Variants in SPMIP11 observed in about 807,000 individuals in gnomAD.
SPMIP11 encodes the protein sperm microtubule inner protein 11.
At chr12:48,765,011 G>C in the SPMIP11 span, 1 of 700,274 alleles carries the variant, frequency 1.4e-6, no homozygotes, top group East Asian at 2.7e-5. Context: ...GCTGGGAGGG[G>C]TAAGGGTGGG....
the SPMIP11 span, among the ~76,000 whole-genome samples, chr12:48,738,113 C>T: frequency 6.6e-6 from 1 of 152,254 alleles, no homozygotes; most frequent in African/African-American, 2.4e-5. Context: ...GCGTGAGCCA[C>T]CATGTCTGGC....
the SPMIP11 span, among the ~76,000 whole-genome samples, chr12:48,749,661 A>G: frequency 5.5e-5 from 6 of 108,936 alleles, no homozygotes; most frequent in Admixed American, 1.9e-4. Context: ...AAAAAAAAAA[A>G]GAGTTGTTTT....
At chr12:48,768,915 C>A in the SPMIP11 span, 2 of 1,595,986 alleles carry the variant, frequency 1.3e-6, no homozygotes, top group East Asian at 4.5e-5. Context: ...TTCCTCCCAG[C>A]CCCTGCTCAT....
At chr12:48,756,073 C>A in the SPMIP11 span, among the ~76,000 whole-genome samples, 1 of 150,916 alleles carries the variant, frequency 6.6e-6, no homozygotes, top group African/African-American at 2.4e-5. Context: ...TTAGTAGAGA[C>A]GGGGTTTCAC....
chr12:48,769,378 G>A, the SPMIP11 span, among the ~76,000 whole-genome samples: 4 of 146,116 alleles, frequency 2.7e-5, no homozygotes, highest in African/African-American at 7.7e-5. Flanking sequence ...ATTGTGCCAC[G>A]GCACTCTAGC....
At chr12:48,742,655 G>A in the SPMIP11 span, among the ~76,000 whole-genome samples, 16 of 152,108 alleles carry the variant, frequency 1.1e-4, no homozygotes, top group African/African-American at 2.4e-4. Context: ...AGGCCGAGGC[G>A]GGTGGATCAC....
chr12:48,729,526 T>G, the SPMIP11 span, among the ~76,000 whole-genome samples: 36 of 142,620 alleles, frequency 2.5e-4, no homozygotes, highest in African/African-American at 8.9e-4. Flanking sequence ...AGAGTGAGAC[T>G]CCATCTCAAA....
At chr12:48,771,424 C>T in the SPMIP11 span, 2 of 554,974 alleles carry the variant, frequency 3.6e-6, no homozygotes, top group Middle Eastern at 2.9e-4. This position sits in a 1 kb window ranked among gnomAD's most constrained non-coding sequence, Gnocchi z 4.3. Flanking sequence ...AGACTATTGC[C>T]TTCTTCTTCA....
the SPMIP11 span, among the ~76,000 whole-genome samples, chr12:48,756,174 T>C: frequency 6.6e-6 from 1 of 152,104 alleles, no homozygotes; most frequent in South Asian, 2.1e-4. Flanking sequence ...TGAGCCACCG[T>C]GCCCGGCCTC....
At chr12:48,746,205 G>A in the SPMIP11 span, among the ~76,000 whole-genome samples, 1 of 152,130 alleles carries the variant, frequency 6.6e-6, no homozygotes, top group Admixed American at 6.5e-5. Context: ...CTGATGACAT[G>A]CTCAGCTTGC....
the SPMIP11 span, among the ~76,000 whole-genome samples, chr12:48,747,776 T>C: frequency 6.6e-6 from 1 of 152,170 alleles, no homozygotes; most frequent in Non-Finnish European, 1.5e-5. Flanking sequence ...TTGAAGCCAC[T>C]TGAATTGCCC....
the SPMIP11 span, among the ~76,000 whole-genome samples, chr12:48,735,909 A>C: frequency 1.3e-5 from 2 of 152,252 alleles, no homozygotes; most frequent in Admixed American, 1.3e-4. Context: ...ATAATTAAGA[A>C]ATAAAACAAA....
At chr12:48,747,024 GTT>G in the SPMIP11 span, among the ~76,000 whole-genome samples, 1 of 152,178 alleles carries the variant, frequency 6.6e-6, no homozygotes, top group Non-Finnish European at 1.5e-5. Flanking sequence ...AGATGGTACA[GTT>G]TTCTTACCCA....
At chr12:48,758,053 G>A in the SPMIP11 span, among the ~76,000 whole-genome samples, 50,354 of 151,856 alleles carry the variant, frequency 0.33, 9,517 homozygotes, top group Non-Finnish European at 0.44. Flanking sequence ...CTGTAGTCCC[G>A]GCACTTCGGG....
the SPMIP11 span, among the ~76,000 whole-genome samples, chr12:48,744,677 C>T: frequency 6.6e-6 from 1 of 151,670 alleles, no homozygotes; most frequent in Non-Finnish European, 1.5e-5. Flanking sequence ...CAAGATCGTG[C>T]CACTGCACTT....
At chr12:48,765,438 C>A in the SPMIP11 span, among the ~76,000 whole-genome samples, 1 of 152,176 alleles carries the variant, frequency 6.6e-6, no homozygotes, top group African/African-American at 2.4e-5. Flanking sequence ...ACCATCTTGG[C>A]CAGGCTGGTC....
At chr12:48,734,294 A>G in the SPMIP11 span, among the ~76,000 whole-genome samples, 3 of 151,424 alleles carry the variant, frequency 2.0e-5, no homozygotes, top group African/African-American at 7.3e-5. Context: ...ATTTTTTTGT[A>G]AAGACGGGAT....
At chr12:48,749,132 C>CA in the SPMIP11 span, among the ~76,000 whole-genome samples, 2 of 151,810 alleles carry the variant, frequency 1.3e-5, no homozygotes, top group African/African-American at 4.8e-5. Context: ...CGTGGTGGTG[C>CA]ACGCCTGTAG....
the SPMIP11 span, chr12:48,759,153 C>G: frequency 1.4e-6 from 1 of 697,470 alleles, no homozygotes; most frequent in Non-Finnish European, 2.6e-6. Flanking sequence ...ACCAGGGAAT[C>G]AGAGAATCAA....
Sources: gnomAD v4.1 joint callset for allele counts (sites outside exome capture counted in the v4.1 genomes callset) on GRCh38, gnomAD v4.1.1 for gene constraint, Gnocchi (gnomAD v3.1) non-coding constraint, MANE v1.5 for transcripts, NCBI Gene and HGNC (gene_info 2026-07-23, HGNC 2026-07-21) for gene names.